Variants in SOBP observed in about 807,000 individuals in gnomAD.
SOBP encodes sine oculis binding protein homolog, also known as sine oculis-binding protein homolog.
Under a neutral mutation model 53.6 loss-of-function variants are expected in SOBP, and 4 were observed. That is an observed-to-expected ratio of 0.07 (90% CI 0.04 to 0.17). The LOEUF (loss-of-function observed/expected upper bound fraction) is 0.17. Ranked by LOEUF, SOBP falls within the 10% of genes least tolerant of loss-of-function variation. The pLI, the probability that SOBP is intolerant of heterozygous loss-of-function variation, is 1.00. For missense variants in SOBP, 1,088 were observed against 1,204.7 expected (o/e 0.90, Z 1.43); for synonymous variants, 584 against 522.6 (o/e 1.12, Z -1.60).
intron 3 of SOBP, among the ~76,000 whole-genome samples, chr6:107,530,455 G>C (rs1326695953): frequency 6.6e-6 from 1 of 152,038 alleles, no homozygotes; most frequent in East Asian, 1.9e-4. Context: ...TCTCATGTCT[G>C]ATGACAGAAT....
chr6:107,567,696 C>T (rs1403762247), intron 4 of SOBP, among the ~76,000 whole-genome samples: 1 of 152,096 alleles, frequency 6.6e-6, no homozygotes, highest in Non-Finnish European at 1.5e-5. Context: ...TTTGATGATA[C>T]AAAATAAAAT....
intron 3 of SOBP, among the ~76,000 whole-genome samples, chr6:107,525,245 G>A (rs940311686): frequency 6.6e-6 from 1 of 152,284 alleles, no homozygotes; most frequent in Non-Finnish European, 1.5e-5. Context: ...AAGCAGAGGC[G>A]AGGTTGTCAA....
At chr6:107,572,901 A>G (rs1289801990) in intron 4 of SOBP, among the ~76,000 whole-genome samples, 1 of 152,204 alleles carries the variant, frequency 6.6e-6, no homozygotes, top group East Asian at 1.9e-4. Flanking sequence ...CTAAAATCAT[A>G]GTTTGAGTTA....
In SOBP at chr6:107,490,488, C is replaced by T; in HGVS notation, c.-129C>T. The T allele has an allele frequency of 1.4e-6, 1 of 698,902 alleles. No homozygotes were observed. The highest frequency in any genetic ancestry group is 2.2e-5 in the Admixed American group (1 of 44,866). The allele number at this position is 698,902 out of a possible 1,614,324, so 43.3% of individuals were successfully genotyped here. ...CCTCCCCCTCGCGGCTCGGTCCGGC[C>T]CCGCCAGCACCGCTACCTCCGCCAG... On this transcript the variant is annotated 5_prime_UTR_variant, in exon 1 of 7. Transcript: ENST00000317357.
intron 1 of SOBP, among the ~76,000 whole-genome samples, chr6:107,491,278 C>T (rs558255581): frequency 6.6e-6 from 1 of 152,284 alleles, no homozygotes; most frequent in Admixed American, 6.5e-5. Flanking sequence ...GCTCTCCTCG[C>T]CCGCCCCCGC....
chr6:107,616,019 T>C (rs1223665057), intron 5 of SOBP, among the ~76,000 whole-genome samples: 1 of 129,326 alleles, frequency 7.7e-6, no homozygotes, highest in Non-Finnish European at 1.5e-5. Flanking sequence ...CGAGACTCTG[T>C]CTCTGGGCAA....
chr6:107,629,475 G>A (rs1770608734), intron 5 of SOBP, among the ~76,000 whole-genome samples: 2 of 152,152 alleles, frequency 1.3e-5, no homozygotes, highest in Admixed American at 1.3e-4. Flanking sequence ...AGAAGAACCT[G>A]TATATCGTGC....
intron 3 of SOBP, among the ~76,000 whole-genome samples, chr6:107,523,059 G>A (rs1299552865): frequency 6.6e-6 from 1 of 152,192 alleles, no homozygotes. Flanking sequence ...TTACTAAGAT[G>A]TCTGGGAGGC....
chr6:107,494,322 T>C (rs1398524312), intron 1 of SOBP, among the ~76,000 whole-genome samples: 1 of 152,216 alleles, frequency 6.6e-6, no homozygotes, highest in Non-Finnish European at 1.5e-5. Flanking sequence ...TTCTGACATA[T>C]GGGAAGGTTA....
chr6:107,651,640 A>G (rs1771806194), intron 6 of SOBP, among the ~76,000 whole-genome samples: 2 of 152,344 alleles, frequency 1.3e-5, no homozygotes, highest in African/African-American at 2.4e-5. Flanking sequence ...TAGACAATAG[A>G]TTTTCAATAT....
chr6:107,529,401 A>G, intron 3 of SOBP: 1 of 974,972 alleles, frequency 1.0e-6, no homozygotes, highest in Non-Finnish European at 1.2e-6. Context: ...ACTGCCTTGT[A>G]ACTTGTCTCA....
intron 3 of SOBP, among the ~76,000 whole-genome samples, chr6:107,508,757 C>T (rs750507051): frequency 3.3e-5 from 5 of 151,966 alleles, no homozygotes; most frequent in Non-Finnish European, 7.4e-5. Context: ...TTTTGTGATA[C>T]GGAGGGGTCC....
Position 107,551,882 on chromosome 6 carries a change from AT to A in SOBP, c.573+18273del, listed in dbSNP as rs573473331. 3.2e-3 allele frequency among the ~76,000 whole-genome samples: 483 copies of A among 152,252 alleles called. 2 individuals carry two copies. The highest frequency in any genetic ancestry group is 4.6e-3 in the Non-Finnish European group (310 of 68,022). ...CTAAATATACAAAAATTAGCTGGGC[AT>A]GGTGGTGCACACCTGTAATCCCAGC... On this transcript the variant is annotated intron_variant, in intron 4 of 6. Transcript: ENST00000317357.
intron 1 of SOBP, 141 bp downstream of exon 1, chr6:107,490,853 A>G: frequency 1.5e-6 from 1 of 684,328 alleles, no homozygotes; most frequent in Non-Finnish European, 2.6e-6. Context: ...CTCCTCCTCC[A>G]GGTGTAAAGC....
At chr6:107,513,304 C>T (rs550554860) in intron 3 of SOBP, among the ~76,000 whole-genome samples, 55 of 152,082 alleles carry the variant, frequency 3.6e-4, no homozygotes, top group Non-Finnish European at 7.4e-4. Context: ...TATTTTCAGG[C>T]AAATCTTGAA....
chr6:107,533,641 C>G (rs373341475), intron 4 of SOBP, 31 bp downstream of exon 4: 5 of 1,613,640 alleles, frequency 3.1e-6, no homozygotes, highest in Non-Finnish European at 4.2e-6. Context: ...GGCGGCCCCC[C>G]ACAGGCCTCA....
intron 3 of SOBP, chr6:107,529,359 A>T: frequency 1.4e-6 from 1 of 690,836 alleles, no homozygotes; most frequent in Non-Finnish European, 1.8e-6. Context: ...ATGTCATTTC[A>T]TGGCATGGGG....
intron 5 of SOBP, among the ~76,000 whole-genome samples, chr6:107,620,354 C>G (rs959845872): frequency 2.0e-5 from 3 of 152,168 alleles, no homozygotes; most frequent in Non-Finnish European, 4.4e-5. Flanking sequence ...TGGCTTTATT[C>G]CTATGACCAC....
chr6:107,606,769 G>A (rs1174031026), intron 5 of SOBP, among the ~76,000 whole-genome samples: 1 of 152,214 alleles, frequency 6.6e-6, no homozygotes, highest in Admixed American at 6.5e-5. Context: ...GAGCAGGAGA[G>A]GCTGGACTTG....
Sources: gnomAD v4.1 joint callset for allele counts (sites outside exome capture counted in the v4.1 genomes callset) on GRCh38, gnomAD v4.1.1 for gene constraint, MANE v1.5 for transcripts, NCBI Gene and HGNC (gene_info 2026-07-23, HGNC 2026-07-21) for gene names.